TDRD1: variants seen among roughly 807,000 people sequenced by gnomAD.
TDRD1 encodes the protein tudor domain-containing protein 1.
A neutral mutation model predicts 140.6 loss-of-function variants in TDRD1; 37 were observed. The observed-to-expected ratio is 0.26, with a 90% CI of 0.20 to 0.35. TDRD1 has a LOEUF of 0.35. Among genes scored for constraint, TDRD1 ranks in the 10% least tolerant of loss-of-function variants. The probability of loss-of-function intolerance (pLI) is 1.00; values close to 1 mark genes in which losing one functional copy is unlikely to be tolerated. For missense variants in TDRD1, 1,243 were observed against 1,393.0 expected (o/e 0.89, Z 1.71); for synonymous variants, 506 against 475.7 (o/e 1.06, Z -0.83).
upstream of TDRD1, among the ~76,000 whole-genome samples, chr10:114,177,834 C>CTT (rs34189756): frequency 7.4e-4 from 97 of 131,090 alleles, 2 homozygotes; most frequent in Middle Eastern, 4.0e-3. Flanking sequence ...CTTTCTTTTT[C>CTT]TTTTTTTTTT....
chr10:114,197,629 G>A (rs577032098), intron 3 of TDRD1, among the ~76,000 whole-genome samples: 6 of 144,894 alleles, frequency 4.1e-5, no homozygotes, highest in Non-Finnish European at 9.1e-5. Flanking sequence ...ACTGAGTTCT[G>A]TTGAAACTGG....
At chr10:114,217,502 T>A in intron 16 of TDRD1, 43 bp from the exon 17 acceptor site, 1 of 1,110,362 alleles carries the variant, frequency 9.0e-7, no homozygotes, top group South Asian at 1.4e-5. Flanking sequence ...GTTGTTTATT[T>A]TTTAATATGT....
At chr10:114,194,627 A>ATT (rs1297764139) in intron 3 of TDRD1, among the ~76,000 whole-genome samples, 1 of 144,658 alleles carries the variant, frequency 6.9e-6, no homozygotes, top group Admixed American at 6.8e-5. Context: ...TCTTTGTTTC[A>ATT]TTTTTTTTCC....
chr10:114,225,464 T>C (rs997320415), intron 21 of TDRD1, among the ~76,000 whole-genome samples: 2 of 152,050 alleles, frequency 1.3e-5, no homozygotes, highest in Non-Finnish European at 2.9e-5. Context: ...TGAGCTACCA[T>C]GGCTCTACTA....
chr10:114,182,653 A>G (rs2033170466), intron 1 of TDRD1, among the ~76,000 whole-genome samples: 1 of 152,026 alleles, frequency 6.6e-6, no homozygotes, highest in African/African-American at 2.4e-5. Flanking sequence ...AAAGCAGTGC[A>G]ATAGTGCATT....
chr10:114,227,756 A>G (rs988181232), intron 23 of TDRD1, among the ~76,000 whole-genome samples, 154 bp from the exon 24 acceptor site: 2 of 152,238 alleles, frequency 1.3e-5, no homozygotes, highest in African/African-American at 4.8e-5. Flanking sequence ...AGACCATGGT[A>G]GTAGATAATC....
chr10:114,229,224 A>G (rs1322482797), intron 25 of TDRD1, among the ~76,000 whole-genome samples: 8 of 152,246 alleles, frequency 5.3e-5, no homozygotes, highest in African/African-American at 1.9e-4. Context: ...TTTGTTGGTT[A>G]ACAAATTTAT....
At chr10:114,206,763 G>T in intron 11 of TDRD1, among the ~76,000 whole-genome samples, 1 of 151,856 alleles carries the variant, frequency 6.6e-6, no homozygotes, top group Admixed American at 6.6e-5. Context: ...ACAGGCTCCC[G>T]CTAGCACGCC....
In TDRD1 at chr10:114,220,601, A is replaced by G. The variant is rs2036081316; in HGVS notation, c.2528A>G (p.Glu843Gly). 1.2e-6 allele frequency: 2 copies of G among 1,613,334 alleles called. No homozygotes were observed. Among genetic ancestry groups the G allele is most frequent in the Non-Finnish European group, 1.7e-6 (2 of 1,179,258 alleles). ...TCTAGAAACAAACATTGGTCTGAAG[A>G]AGCCATAACAAGATTCCAGATGTGT... Residue 843 changes from glutamate to glycine, a missense_variant, in exon 19 of 26, where the codon GAA becomes GGA. By Grantham distance (98) the Glu-to-Gly change is moderately conservative. Around this residue, in one of 5 missense-constraint regions of TDRD1, gnomAD observed 601 missense variants for 734.7 expected, o/e 0.82. Transcript: ENST00000251864.
chr10:114,228,053 C>T lies in TDRD1; in HGVS notation c.3466C>T (p.His1156Tyr), dbSNP rs958567372. Residue 1156 changes from histidine (H) to tyrosine (Y), a missense_variant, in exon 25 of 26, where the codon CAT becomes TAT. Around this residue, in one of 5 missense-constraint regions of TDRD1, gnomAD observed 601 missense variants for 734.7 expected, o/e 0.82. Coordinates refer to ENST00000251864, the Ensembl canonical transcript of TDRD1. The stretch of plus-strand genomic sequence containing the variant: ...TCACCCACAGGTTGAAAAACATGAA[C>T]ATATTCTTCTCTTCCTCTTAAACAA... 3 of 1,609,254 alleles carry T rather than the reference C, an allele frequency of 1.9e-6. No individual in the cohort carries two copies. In the African/African-American group the frequency reaches 4.0e-5, roughly 22 times the overall value.
At chr10:114,203,356 G>T in intron 7 of TDRD1, 32 bp from the exon 8 acceptor site, 1 of 1,555,146 alleles carries the variant, frequency 6.4e-7, no homozygotes, top group South Asian at 1.2e-5. Context: ...TGTGCCTTAT[G>T]AATTATTCCT....
intron 25 of TDRD1, among the ~76,000 whole-genome samples, chr10:114,230,517 A>G (rs988446067): frequency 1.3e-5 from 2 of 152,214 alleles, no homozygotes; most frequent in Non-Finnish European, 2.9e-5. Context: ...AGAGAGGGTT[A>G]CATGACTGTC....
intron 16 of TDRD1, among the ~76,000 whole-genome samples, chr10:114,214,443 C>T (rs775791719): frequency 1.3e-5 from 2 of 152,096 alleles, no homozygotes; most frequent in Non-Finnish European, 2.9e-5. Flanking sequence ...AAGAGGATGA[C>T]GAGGCCAAGA....
At chr10:114,209,921 A>G (rs2035373496) in intron 11 of TDRD1, among the ~76,000 whole-genome samples, 1 of 152,218 alleles carries the variant, frequency 6.6e-6, no homozygotes, top group Non-Finnish European at 1.5e-5. Context: ...ATAAGTTGCC[A>G]TAATGTCTCT....
exon 23 of TDRD1, chr10:114,227,185 A>G: frequency 1.2e-6 from 2 of 1,613,298 alleles, no homozygotes; most frequent in South Asian, 2.2e-5. Flanking sequence ...GAATGTCCAT[A>G]CAGTGTCAGT....
At chr10:114,200,227 T>A (rs564673048) in intron 4 of TDRD1, among the ~76,000 whole-genome samples, 1 of 152,252 alleles carries the variant, frequency 6.6e-6, no homozygotes, top group South Asian at 2.1e-4. Flanking sequence ...CAGTTTACAG[T>A]TAAATTTGCA....
chr10:114,176,133 G>A (rs2032690735), upstream of TDRD1, among the ~76,000 whole-genome samples: 1 of 152,054 alleles, frequency 6.6e-6, no homozygotes, highest in East Asian at 1.9e-4. This position sits in a 1 kb window ranked among gnomAD's most constrained non-coding sequence, Gnocchi z 4.2. Flanking sequence ...GTAATGGATG[G>A]ATGGGGCTGG....
At position 114,211,379 on chromosome 10, in the gene TDRD1, A is replaced by G. The variant is rs188923869; in HGVS notation, c.1660+412A>G. Among the ~76,000 whole-genome samples, 366 of 152,362 alleles carry G rather than the reference A, an allele frequency of 2.4e-3. 2 individuals carry two copies. The highest frequency in any genetic ancestry group is 3.5e-3 in the Non-Finnish European group (239 of 68,034). On this transcript the variant is annotated intron_variant, in intron 13 of 25. Transcript: ENST00000251864. ...TGTCATGGTGCAGCTTTTGGACGGC[A>G]CAAGTCCTGCCTTGCGATAACCAGG...
intron 3 of TDRD1, among the ~76,000 whole-genome samples, chr10:114,197,806 T>G (rs1397045976): frequency 6.6e-6 from 1 of 152,084 alleles, no homozygotes; most frequent in African/African-American, 2.4e-5. Flanking sequence ...TATGGGCACG[T>G]GCCACCATGC....
Sources: gnomAD v4.1 joint callset for allele counts (sites outside exome capture counted in the v4.1 genomes callset) on GRCh38, gnomAD v4.1.1 for gene constraint, gnomAD v4.1.1 regional missense constraint, Gnocchi (gnomAD v3.1) non-coding constraint, MANE v1.5 for transcripts, NCBI Gene and HGNC (gene_info 2026-07-23, HGNC 2026-07-21) for gene names.